The following HCN1 variants were observed in gnomAD, a reference collection of about 807,000 sequenced individuals.
HCN1 encodes hyperpolarization activated cyclic nucleotide gated potassium channel 1, also known as potassium/sodium hyperpolarization-activated cyclic nucleotide-gated channel 1.
In HCN1, 13 loss-of-function variants were observed where a neutral mutation model predicts 78.9. That is an observed-to-expected ratio of 0.16 (90% CI 0.11 to 0.26). The LOEUF (loss-of-function observed/expected upper bound fraction) is 0.26. Among genes scored for constraint, HCN1 ranks in the 10% least tolerant of loss-of-function variants. The pLI is 1.00. For missense variants in HCN1, 810 were observed against 1,154.3 expected (o/e 0.70, Z 4.32); for synonymous variants, 552 against 455.5 (o/e 1.21, Z -2.70).
intron 2 of HCN1, chr5:45,643,231 T>C (rs1745487537): frequency 6.6e-6 from 1 of 152,104 alleles, no homozygotes; most frequent in East Asian, 1.9e-4. Flanking sequence ...TATGACCACA[T>C]GGCCTGCCAT....
At chr5:45,658,942 G>T (rs1426977488) in intron 1 of HCN1, among the ~76,000 whole-genome samples, 2 of 144,852 alleles carry the variant, frequency 1.4e-5, no homozygotes, top group Admixed American at 1.4e-4. Flanking sequence ...CGAACTGGGT[G>T]GAGCCCACCA....
intron 5 of HCN1, among the ~76,000 whole-genome samples, chr5:45,329,873 C>A (rs1015004679): frequency 1.3e-5 from 2 of 151,166 alleles, no homozygotes; most frequent in African/African-American, 4.8e-5. Context: ...TTTATTTAAC[C>A]TTACAACCAT....
chr5:45,343,926 T>C (rs1226999461), intron 5 of HCN1, among the ~76,000 whole-genome samples: 2 of 152,122 alleles, frequency 1.3e-5, no homozygotes, highest in Non-Finnish European at 2.9e-5. Context: ...TAAAAAGTGG[T>C]CCCAGCATCT....
At chr5:45,647,347 T>C (rs1745569634) in intron 1 of HCN1, among the ~76,000 whole-genome samples, 1 of 152,018 alleles carries the variant, frequency 6.6e-6, no homozygotes, top group South Asian at 2.1e-4. Flanking sequence ...TAACAGCTAT[T>C]TCACAAAGAA....
chr5:45,366,172 G>A (rs1257679019), intron 4 of HCN1, among the ~76,000 whole-genome samples: 1 of 151,460 alleles, frequency 6.6e-6, no homozygotes, highest in East Asian at 1.9e-4. Context: ...ATTTGTGTGT[G>A]TGTGTGTGTG....
intron 3 of HCN1, among the ~76,000 whole-genome samples, chr5:45,408,333 T>G (rs1739965159): frequency 1.3e-5 from 2 of 152,164 alleles, no homozygotes; most frequent in African/African-American, 4.8e-5. Flanking sequence ...CGATGTACCA[T>G]CTTTTATCTT....
intron 2 of HCN1, among the ~76,000 whole-genome samples, chr5:45,576,822 G>A (rs532020128): frequency 1.1e-4 from 17 of 152,008 alleles, no homozygotes; most frequent in African/African-American, 2.9e-4. Flanking sequence ...GCAGTATTTT[G>A]GAGATAGGCC....
chr5:45,361,113 C>A (rs34519909), intron 4 of HCN1, among the ~76,000 whole-genome samples: 2 of 152,264 alleles, frequency 1.3e-5, no homozygotes, highest in South Asian at 4.1e-4. Context: ...GGCATGATCT[C>A]AGCTCACTGC....
At chr5:45,583,101 T>C (rs1285742478) in intron 2 of HCN1, among the ~76,000 whole-genome samples, 3 of 152,192 alleles carry the variant, frequency 2.0e-5, no homozygotes, top group African/African-American at 7.2e-5. Flanking sequence ...GAAGGAATGG[T>C]ACCAGCTCCT....
intron 6 of HCN1, among the ~76,000 whole-genome samples, chr5:45,298,342 T>C (rs1473931942): frequency 6.6e-6 from 1 of 152,032 alleles, no homozygotes; most frequent in East Asian, 1.9e-4. Context: ...ACCTCAGGGC[T>C]TTCCAGATCT....
chr5:45,548,570 C>T (rs1483011428), intron 2 of HCN1, among the ~76,000 whole-genome samples: 2 of 152,054 alleles, frequency 1.3e-5, no homozygotes, highest in African/African-American at 4.8e-5. Context: ...GAAGCATTCC[C>T]TTTGAAAACT....
intron 2 of HCN1, among the ~76,000 whole-genome samples, chr5:45,629,990 G>A (rs1050094033): frequency 6.6e-6 from 1 of 152,118 alleles, no homozygotes; most frequent in African/African-American, 2.4e-5. Flanking sequence ...TTAATTTATA[G>A]TTGATATACC....
chr5:45,473,200 T>C (rs1030947086), intron 2 of HCN1, among the ~76,000 whole-genome samples: 1 of 151,944 alleles, frequency 6.6e-6, no homozygotes. Flanking sequence ...TAACTGACTG[T>C]CCATTTTCTA....
At chr5:45,568,138 T>C (rs368886756) in intron 2 of HCN1, among the ~76,000 whole-genome samples, 3 of 152,216 alleles carry the variant, frequency 2.0e-5, no homozygotes, top group South Asian at 2.1e-4. Context: ...TCAGTAACAT[T>C]TGTAATCATA....
At chr5:45,424,289 C>T (rs1402733620) in intron 3 of HCN1, among the ~76,000 whole-genome samples, 1 of 151,308 alleles carries the variant, frequency 6.6e-6, no homozygotes, top group Non-Finnish European at 1.5e-5. Context: ...CTAGACTCCG[C>T]CTCAAACAAA....
At chr5:45,356,752 C>A (rs1442435607) in intron 4 of HCN1, among the ~76,000 whole-genome samples, 1 of 151,966 alleles carries the variant, frequency 6.6e-6, no homozygotes, top group Non-Finnish European at 1.5e-5. Flanking sequence ...AGTAAAAAAA[C>A]TCCCTCGTTC....
At chr5:45,538,114 T>C (rs1295595462) in intron 2 of HCN1, among the ~76,000 whole-genome samples, 1 of 152,128 alleles carries the variant, frequency 6.6e-6, no homozygotes, top group East Asian at 1.9e-4. Flanking sequence ...CTAACTGATT[T>C]CTAAAGTATT....
At position 45,654,896 on chromosome 5, in the gene HCN1, C is replaced by T. The variant is rs755203073; in HGVS notation, c.426-9288G>A. ...CTCATTGCTATTGTAATCCTCCCACCACATTGCATATTTTCAAATCATCCA... is the reference window on the plus strand; with the variant it reads ...CTCATTGCTATTGTAATCCTCCCACTACATTGCATATTTTCAAATCATCCA... On this transcript the variant is annotated intron_variant, in intron 1 of 7. Transcript: ENST00000303230. Among the ~76,000 whole-genome samples, 4 of 152,182 alleles carry T rather than the reference C, an allele frequency of 2.6e-5. No individual in the cohort carries two copies. In the East Asian group the frequency reaches 5.8e-4, roughly 22 times the overall value.
intron 2 of HCN1, among the ~76,000 whole-genome samples, chr5:45,635,361 C>G (rs985416824): frequency 1.3e-5 from 2 of 151,966 alleles, no homozygotes; most frequent in African/African-American, 4.8e-5. Flanking sequence ...ACAAAAAGAG[C>G]AAAATTGAAA....
Sources: gnomAD v4.1 joint callset for allele counts (sites outside exome capture counted in the v4.1 genomes callset) on GRCh38, gnomAD v4.1.1 for gene constraint, MANE v1.5 for transcripts, NCBI Gene and HGNC (gene_info 2026-07-23, HGNC 2026-07-21) for gene names.